GDF1: variants seen among roughly 807,000 people sequenced by gnomAD.
GDF1 encodes the protein growth differentiation factor 1, also known as embryonic growth/differentiation factor 1.
A neutral mutation model predicts 7.4 loss-of-function variants in GDF1; 8 were observed. The observed-to-expected ratio is 1.09, with a 90% confidence interval of 0.64 to 1.96. The LOEUF (loss-of-function observed/expected upper bound fraction) is 1.96. Ranked by LOEUF, GDF1 falls within the 30% of genes most tolerant of loss-of-function variation. The probability of loss-of-function intolerance (pLI) is 0.00; values close to 1 mark genes in which losing one functional copy is unlikely to be tolerated. For missense variants in GDF1, 574 were observed against 551.5 expected, an observed-to-expected ratio of 1.04 and a Z score of -0.41; for synonymous variants, 311 against 276.7, an observed-to-expected ratio of 1.12 and a Z score of -1.23.
At position 18,893,409 on chromosome 19, in the gene GDF1, C is replaced by A. The variant is rs368913904; in HGVS notation, c.-914+7G>T. On this transcript the variant is annotated splice_region_variant and intron_variant, in intron 2 of 7. Transcript: ENST00000247005. ...AGCCCTCCCGGCCATCCCCTCAGGG[C>A]CCCTACCGTAGAAGACAGATGGTGG... 17 of 1,598,480 alleles carry A rather than the reference C, an allele frequency of 1.1e-5. No homozygotes were observed. Among genetic ancestry groups the A allele is most frequent in the Admixed American group, 3.5e-5 (2 of 57,626 alleles).
At chr19:18,879,760 C>T (rs1263102977) in intron 4 of GDF1, among the ~76,000 whole-genome samples, 12 of 148,760 alleles carry the variant, frequency 8.1e-5, no homozygotes, top group Non-Finnish European at 1.3e-4. Flanking sequence ...TCACCAAGGC[C>T]CCACCTCCTT....
At chr19:18,885,436 A>G (rs2056324366) in intron 2 of GDF1, among the ~76,000 whole-genome samples, 1 of 151,108 alleles carries the variant, frequency 6.6e-6, no homozygotes, top group Non-Finnish European at 1.5e-5. Flanking sequence ...GGCTCAAGCA[A>G]TCCTCCTGCC....
intron 2 of GDF1, among the ~76,000 whole-genome samples, chr19:18,886,640 G>A (rs2056368926): frequency 6.6e-6 from 1 of 152,146 alleles, no homozygotes; most frequent in African/African-American, 2.4e-5. Flanking sequence ...AACTCTCTGG[G>A]TTGCTCCCTG....
rs1482164376 is a variant in GDF1 at position 18,878,296 on chromosome 19, C to T, written c.-313+634G>A. Reference sequence around the variant, plus strand: ...CCTCCGTTCATCCCTGGCCCAGACACCCCCTGCCTGCCCCAGGCCTGGGGC... The same window carrying T: ...CCTCCGTTCATCCCTGGCCCAGACATCCCCTGCCTGCCCCAGGCCTGGGGC... On this transcript the variant is annotated intron_variant, in intron 6 of 7. Transcript: ENST00000247005. This position sits in a 1 kb window ranked among gnomAD's most constrained non-coding sequence, Gnocchi z 4.6. 4 of 986,032 alleles carry T rather than the reference C, an allele frequency of 4.1e-6. No individual in the cohort carries two copies. In the South Asian group the frequency reaches 1.4e-4, roughly 35 times the overall value. The allele number at this position is 986,032 out of a possible 1,614,324, so 61.1% of individuals were successfully genotyped here.
intron 6 of GDF1, among the ~76,000 whole-genome samples, chr19:18,877,689 C>A (rs4808163): frequency 0.84 from 126,578 of 149,912 alleles, 53,720 homozygotes; most frequent in Admixed American, 0.89. Context: ...TGGGAGGCGG[C>A]GGTTGCAGCG....
intron 2 of GDF1, among the ~76,000 whole-genome samples, chr19:18,890,989 T>A (rs1461716408): frequency 2.0e-5 from 3 of 151,904 alleles, no homozygotes; most frequent in Non-Finnish European, 4.4e-5. Context: ...CCGAGGGTGG[T>A]GGCGCGTGCC....
In GDF1 at chr19:18,877,699, G is replaced by A. The variant is rs186345701; in HGVS notation, c.-313+1231C>T. ...GGGCCTGGGAGGCGGCGGTTGCAGC[G>A]AGCCGAGATCGTGCCACTGCACACT... On this transcript the variant is annotated intron_variant, in intron 6 of 7. Transcript: ENST00000247005. Among the ~76,000 whole-genome samples, 924 of 149,322 alleles carry A rather than the reference G, an allele frequency of 6.2e-3. 4 individuals carry two copies. The highest frequency in any genetic ancestry group is 9.2e-3 in the Non-Finnish European group (626 of 67,744).
intron 6 of GDF1, among the ~76,000 whole-genome samples, chr19:18,876,235 C>T (rs2056058330): frequency 6.6e-6 from 1 of 152,372 alleles, no homozygotes; most frequent in East Asian, 1.9e-4. Flanking sequence ...ATCCACCTGC[C>T]TTGGCCTCCC....
chr19:18,878,617 A>C lies in GDF1; in HGVS notation c.-313+313T>G. Reference sequence around the variant, plus strand: ...GGCCAGCAACTACTCCTCACCACCCACAGGGCCCTGGCTCGCCACTCCCGC... The same window carrying C: ...GGCCAGCAACTACTCCTCACCACCCCCAGGGCCCTGGCTCGCCACTCCCGC... On this transcript the variant is annotated intron_variant, in intron 6 of 7. Coordinates refer to ENST00000247005, the MANE Select transcript of GDF1 (RefSeq NM_001492.6). This position sits in a 1 kb window ranked among gnomAD's most constrained non-coding sequence, Gnocchi z 4.6. 4 of 1,178,416 alleles carry C rather than the reference A, an allele frequency of 3.4e-6. No individual in the cohort carries two copies. The South Asian group carries it at 8.3e-5, about 24-fold the overall frequency. 73.0% of individuals were successfully genotyped at this position (1,178,416 alleles called of 1,614,324 possible).
At chr19:18,869,794 CT>C (rs1568291035) in intron 7 of GDF1, among the ~76,000 whole-genome samples, 188 bp downstream of exon 7, 1 of 152,104 alleles carries the variant, frequency 6.6e-6, no homozygotes, top group Non-Finnish European at 1.5e-5. Flanking sequence ...TGGGAACCCC[CT>C]GACATGTGTC....
rs772483004 is a variant in GDF1, at chr19:18,869,242, G to C, written c.474C>G (p.Ala158=). 8.4e-6 allele frequency: 12 copies of C among 1,420,244 alleles called. No homozygotes were observed. In the East Asian group the frequency reaches 3.4e-4, roughly 40 times the overall value. The allele number at this position is 1,420,244 out of a possible 1,614,324, so 88.0% of individuals were successfully genotyped here. Residue 158 remains alanine (A), a synonymous_variant, in exon 8 of 8, where the codon GCC becomes GCG. Transcript: ENST00000247005. ...CGCTCAGCTCCCAGCCGCCCTCCGGGGCTGCCGCCGCCGCCGCCGCGAAAC... is the reference window on the plus strand; with the variant it reads ...CGCTCAGCTCCCAGCCGCCCTCCGGCGCTGCCGCCGCCGCCGCCGCGAAAC... ...ELRFAAAAAA[A]PEGGWELSVA... is the part of the protein sequence containing the mutation.
intron 6 of GDF1, among the ~76,000 whole-genome samples, chr19:18,877,710 G>A (rs1300239477): frequency 1.3e-5 from 2 of 148,332 alleles, no homozygotes; most frequent in East Asian, 2.0e-4. Flanking sequence ...AGCCGAGATC[G>A]TGCCACTGCA....
chr19:18,879,155 C>T, intron 5 of GDF1, 86 bp downstream of exon 5: 1 of 1,595,120 alleles, frequency 6.3e-7, no homozygotes, highest in Non-Finnish European at 8.5e-7. Flanking sequence ...ACCTAACGTG[C>T]CCCTCCCCGG....
chr19:18,869,500 C>T (rs2055923238), intron 7 of GDF1, 110 bp from the exon 8 acceptor site: 2 of 1,219,752 alleles, frequency 1.6e-6, no homozygotes, highest in South Asian at 1.4e-5. Flanking sequence ...GGCGCACCGT[C>T]TGTGGGAAGG....
Position 18,873,840 on chromosome 19 carries a change from C to CGA in GDF1, c.-312-3223_-312-3222dup, listed in dbSNP as rs557407143. ...TGGGTGACAGAGCGAGACTCTGTCT[C>CGA]GAAAAAAAAAAAAAAAGAAGAAGAA... On this transcript the variant is annotated intron_variant, in intron 6 of 7. Transcript: ENST00000247005. Among the ~76,000 whole-genome samples, 422 of 132,050 alleles carry CGA rather than the reference C, an allele frequency of 3.2e-3. 1 individual carries two copies. Among genetic ancestry groups the CGA allele is most frequent in the Non-Finnish European group, 5.0e-3 (315 of 63,008 alleles). 86.6% of individuals were successfully genotyped at this position (132,050 alleles called of 152,430 possible).
rs1173276997 is a variant in GDF1 at position 18,870,698 on chromosome 19, C to G, written c.-312-79G>C. On this transcript the variant is annotated intron_variant, in intron 6 of 7. Coordinates refer to ENST00000247005, the MANE Select transcript of GDF1 (RefSeq NM_001492.6). This position sits in a 1 kb window ranked among gnomAD's most constrained non-coding sequence, Gnocchi z 5.1. ...CCCTCTTTCCCGCTTCTTCTCTGGC[C>G]GTTTCACACCCCCTGGCTCCTTTTA... 1 of 499,524 alleles carries G rather than the reference C, an allele frequency of 2.0e-6. No individual in the cohort carries two copies. The highest frequency in any genetic ancestry group is 3.6e-6 in the Non-Finnish European group (1 of 275,920). 30.9% of individuals were successfully genotyped at this position (499,524 alleles called of 1,614,324 possible). A position where few individuals can be genotyped will look rare whatever the true frequency, so the allele number is the denominator to read the frequency against.
chr19:18,889,670 TC>T (rs2056446402), intron 2 of GDF1, among the ~76,000 whole-genome samples: 1 of 152,162 alleles, frequency 6.6e-6, no homozygotes, highest in African/African-American at 2.4e-5. Flanking sequence ...GCTCAAGTGA[TC>T]CTCCCACCTT....
Position 18,878,445 on chromosome 19 carries a change from G to C in GDF1, c.-313+485C>G, listed in dbSNP as rs1202818757. 4 of 990,312 alleles carry C rather than the reference G, an allele frequency of 4.0e-6. No homozygotes were observed. Among genetic ancestry groups the C allele is most frequent in the Non-Finnish European group, 4.8e-6 (4 of 832,764 alleles). The allele number at this position is 990,312 out of a possible 1,614,324, so 61.3% of individuals were successfully genotyped here. ...GCCCCAGCTCCTGTTTGGCCGGGCAGTGGGCTCCCCTGTCAAACTCAGAGG... is the reference window on the plus strand; with the variant it reads ...GCCCCAGCTCCTGTTTGGCCGGGCACTGGGCTCCCCTGTCAAACTCAGAGG... On this transcript the variant is annotated intron_variant, in intron 6 of 7. Coordinates refer to ENST00000247005, the MANE Select transcript of GDF1 (RefSeq NM_001492.6). This position sits in a 1 kb window ranked among gnomAD's most constrained non-coding sequence, Gnocchi z 4.6.
At chr19:18,889,082 G>C (rs1387654806) in intron 2 of GDF1, among the ~76,000 whole-genome samples, 2 of 151,844 alleles carry the variant, frequency 1.3e-5, no homozygotes, top group Admixed American at 6.6e-5. Context: ...AGTAGAGACA[G>C]GGTTTCACCA....
Sources: allele counts gnomAD v4.1 joint callset (sites outside exome capture counted in the v4.1 genomes callset), GRCh38; gene constraint gnomAD v4.1.1; non-coding constraint Gnocchi (gnomAD v3.1); transcripts MANE v1.5; gene names NCBI Gene and HGNC (gene_info 2026-07-23, HGNC 2026-07-21).